GALNTL6: variants seen among roughly 807,000 people sequenced by gnomAD.
GALNTL6 encodes the protein polypeptide N-acetylgalactosaminyltransferase-like 6.
In GALNTL6, 46 loss-of-function variants were observed where a neutral mutation model predicts 73.7. The ratio of observed to expected loss-of-function variants is 0.62; its 90% CI spans 0.49 to 0.80. The LOEUF (loss-of-function observed/expected upper bound fraction) is 0.80. Among genes scored for constraint, GALNTL6 ranks in the 30% least tolerant of loss-of-function variants. GALNTL6 has a pLI of 0.00. For synonymous variants in GALNTL6, 259 were observed against 263.7 expected, an observed-to-expected ratio of 0.98 and a Z score of 0.17; for missense variants, 604 against 755.0, an observed-to-expected ratio of 0.80 and a Z score of 2.34.
At chr4:172,507,712 G>T (rs1734400415) in intron 5 of GALNTL6, among the ~76,000 whole-genome samples, 1 of 54,432 alleles carries the variant, frequency 1.8e-5, no homozygotes, top group African/African-American at 4.6e-5. Flanking sequence ...TAGTGTTTTG[G>T]TGACCTATAA....
intron 5 of GALNTL6, among the ~76,000 whole-genome samples, chr4:172,457,028 A>G (rs560359684): frequency 6.6e-6 from 1 of 152,206 alleles, no homozygotes; most frequent in Non-Finnish European, 1.5e-5. Flanking sequence ...ACAAGCCAGA[A>G]GAGAGTGGGG....
At chr4:172,544,197 A>G (rs550991985) in intron 5 of GALNTL6, among the ~76,000 whole-genome samples, 1 of 152,286 alleles carries the variant, frequency 6.6e-6, no homozygotes, top group African/African-American at 2.4e-5. Context: ...TCTGTGGAGT[A>G]TATGAAGCCA....
intron 2 of GALNTL6, among the ~76,000 whole-genome samples, chr4:172,137,716 T>C (rs183181681): frequency 6.6e-6 from 1 of 152,288 alleles, no homozygotes; most frequent in East Asian, 1.9e-4. Context: ...TCTGTGATAT[T>C]TGAGCTCTTT....
rs186621811 is a variant in GALNTL6 at position 172,989,738 on chromosome 4, A to G, written c.1372-19440A>G. Among the ~76,000 whole-genome samples the G allele has an allele frequency of 2.2e-3, 332 of 152,286 alleles. 1 individual carries two copies. The highest frequency in any genetic ancestry group is 4.0e-3 in the Non-Finnish European group (270 of 68,016). On this transcript the variant is annotated intron_variant, in intron 10 of 12. Coordinates refer to ENST00000506823, the MANE Select transcript of GALNTL6 (RefSeq NM_001034845.3). ...TTCTGCCATGACTGAAAGTTTCCAGAGGCCTTCCAGCCATACTTCCTGTAC... is the reference window on the plus strand; with the variant it reads ...TTCTGCCATGACTGAAAGTTTCCAGGGGCCTTCCAGCCATACTTCCTGTAC...
intron 5 of GALNTL6, among the ~76,000 whole-genome samples, chr4:172,484,372 G>A (rs1208290147): frequency 1.3e-5 from 2 of 152,122 alleles, no homozygotes; most frequent in Non-Finnish European, 2.9e-5. Context: ...TAATATAATA[G>A]CACCTGTTTG....
intron 5 of GALNTL6, among the ~76,000 whole-genome samples, chr4:172,808,474 A>T (rs1741103954): frequency 6.6e-6 from 1 of 152,218 alleles, no homozygotes; most frequent in African/African-American, 2.4e-5. Context: ...TTCAATGAAT[A>T]CTAGACTATA....
intron 3 of GALNTL6, among the ~76,000 whole-genome samples, chr4:172,243,561 C>G (rs76427146): frequency 0.014 from 2,185 of 152,230 alleles, 57 homozygotes; most frequent in African/African-American, 0.05. Context: ...CCACAACATG[C>G]TTGCTGGTTT....
At chr4:172,377,752 G>T (rs1377142765) in intron 5 of GALNTL6, among the ~76,000 whole-genome samples, 4 of 152,164 alleles carry the variant, frequency 2.6e-5, no homozygotes, top group Non-Finnish European at 5.9e-5. Flanking sequence ...GGGGTACCTG[G>T]TGCACCCTCC....
intron 8 of GALNTL6, among the ~76,000 whole-genome samples, chr4:172,885,947 A>G (rs1404499303): frequency 6.6e-6 from 1 of 152,086 alleles, no homozygotes; most frequent in Non-Finnish European, 1.5e-5. Context: ...GTCTTATTGA[A>G]TTATGTTTTG....
At chr4:172,538,459 CA>C (rs962160435) in intron 5 of GALNTL6, among the ~76,000 whole-genome samples, 1 of 151,632 alleles carries the variant, frequency 6.6e-6, no homozygotes, top group Non-Finnish European at 1.5e-5. Flanking sequence ...GACTCCATCT[CA>C]AAAAAACAAA....
intron 2 of GALNTL6, among the ~76,000 whole-genome samples, chr4:172,211,948 A>T (rs1473237469): frequency 6.6e-6 from 1 of 152,184 alleles, no homozygotes; most frequent in Non-Finnish European, 1.5e-5. Flanking sequence ...AGGTGCCAAC[A>T]TATGAATTTT....
At chr4:172,612,763 G>A (rs1738577317) in intron 5 of GALNTL6, among the ~76,000 whole-genome samples, 1 of 151,912 alleles carries the variant, frequency 6.6e-6, no homozygotes, top group Admixed American at 6.6e-5. Context: ...TAAAATGTTG[G>A]TTGTTATTAA....
At chr4:172,338,260 G>T (rs1020786467) in intron 4 of GALNTL6, among the ~76,000 whole-genome samples, 4 of 151,654 alleles carry the variant, frequency 2.6e-5, no homozygotes, top group Non-Finnish European at 5.9e-5. Flanking sequence ...GCCATTTTGG[G>T]GTTTCTATTT....
At chr4:171,921,578 T>C (rs1409537352) in intron 2 of GALNTL6, among the ~76,000 whole-genome samples, 1 of 152,160 alleles carries the variant, frequency 6.6e-6, no homozygotes, top group African/African-American at 2.4e-5. Flanking sequence ...TTATTGTATC[T>C]TCAATTGTAT....
chr4:171,838,256 TG>T (rs1735153625), intron 2 of GALNTL6, among the ~76,000 whole-genome samples: 1 of 151,962 alleles, frequency 6.6e-6, no homozygotes, highest in South Asian at 2.1e-4. Context: ...CCCAAGAAGC[TG>T]GGGTTACAGG....
intron 5 of GALNTL6, among the ~76,000 whole-genome samples, chr4:172,627,504 T>C (rs964944620): frequency 3.9e-5 from 6 of 151,944 alleles, no homozygotes; most frequent in African/African-American, 1.2e-4. Context: ...GCTGGCTTCA[T>C]AGAATGAGTT....
intron 7 of GALNTL6, among the ~76,000 whole-genome samples, chr4:172,877,194 G>A (rs745746485): frequency 6.6e-6 from 1 of 152,046 alleles, no homozygotes; most frequent in African/African-American, 2.4e-5. Flanking sequence ...TAAATATGAT[G>A]TCTTTTTTAT....
chr4:172,503,496 T>C (rs901015313), intron 5 of GALNTL6, among the ~76,000 whole-genome samples: 4 of 137,266 alleles, frequency 2.9e-5, no homozygotes, highest in Admixed American at 7.5e-5. Context: ...TTAAACTATA[T>C]ATATCTAGTT....
chr4:172,681,879 T>A (rs1038608559), intron 5 of GALNTL6, among the ~76,000 whole-genome samples: 5 of 152,186 alleles, frequency 3.3e-5, no homozygotes, highest in African/African-American at 1.2e-4. Context: ...ACCCTCCATT[T>A]ACCTCAGAGT....
Sources: allele counts gnomAD v4.1 joint callset (sites outside exome capture counted in the v4.1 genomes callset), GRCh38; gene constraint gnomAD v4.1.1; transcripts MANE v1.5; gene names NCBI Gene and HGNC (gene_info 2026-07-23, HGNC 2026-07-21).